ADAM9: variants seen among roughly 807,000 people sequenced by gnomAD.
ADAM9 encodes disintegrin and metalloproteinase domain-containing protein 9.
Under a neutral mutation model 108.1 loss-of-function variants are expected in ADAM9, and 54 were observed. That is an observed-to-expected ratio of 0.50 (90% CI 0.40 to 0.63). ADAM9 has a LOEUF of 0.63. Among genes scored for constraint, ADAM9 ranks in the 20% least tolerant of loss-of-function variants. The pLI, the probability that ADAM9 is intolerant of heterozygous loss-of-function variation, is 0.00. For synonymous variants in ADAM9, 316 were observed against 336.0 expected, an observed-to-expected ratio of 0.94 and a Z score of 0.65; for missense variants, 830 against 997.7, an observed-to-expected ratio of 0.83 and a Z score of 2.26.
chr8:39,069,642 A>G (rs892719139), intron 14 of ADAM9, among the ~76,000 whole-genome samples: 27 of 152,210 alleles, frequency 1.8e-4, no homozygotes, highest in Admixed American at 3.3e-4. Context: ...CAGCAAAACC[A>G]TGATCTCATC....
intron 12 of ADAM9, among the ~76,000 whole-genome samples, chr8:39,045,161 T>C (rs1431591240): frequency 8.2e-6 from 1 of 122,696 alleles, no homozygotes; most frequent in Non-Finnish European, 1.9e-5. Context: ...TGTGTATACA[T>C]ACATATATGT....
At chr8:39,049,364 C>T (rs1837877939) in intron 12 of ADAM9, among the ~76,000 whole-genome samples, 1 of 151,692 alleles carries the variant, frequency 6.6e-6, no homozygotes, top group Non-Finnish European at 1.5e-5. Flanking sequence ...ACTTTAAGTT[C>T]TCCCATTACA....
rs116414943 is a variant in ADAM9 at position 39,007,762 on chromosome 8, A to G, written c.98-124A>G. ...TTATATGAGTACTTTTATTATATGC[A>G]TATTGTAATATGGGAATGTCAGGTG... On this transcript the variant is annotated intron_variant, in intron 1 of 21. Transcript: ENST00000487273. 2.3e-3 allele frequency: 1,598 copies of G among 690,314 alleles called. 21 individuals are homozygous for G. In the African/African-American group the frequency reaches 0.027, roughly 12 times the overall value. The allele number at this position is 690,314 out of a possible 1,614,324, so 42.8% of individuals were successfully genotyped here.
intron 9 of ADAM9, among the ~76,000 whole-genome samples, chr8:39,024,923 A>T (rs377154954): frequency 1.3e-3 from 198 of 152,302 alleles, no homozygotes; most frequent in African/African-American, 4.5e-3. Flanking sequence ...TTTTGAGGTG[A>T]CATGGTCTAG....
intron 7 of ADAM9, 33 bp from the exon 8 acceptor site, chr8:39,021,610 G>A: frequency 6.3e-7 from 1 of 1,577,912 alleles, no homozygotes; most frequent in Non-Finnish European, 8.7e-7. Context: ...AAAGTACTTT[G>A]GTGATAATGA....
chr8:39,013,901 T>C (rs1836438357), intron 3 of ADAM9, 64 bp from the exon 4 acceptor site: 2 of 1,264,422 alleles, frequency 1.6e-6, no homozygotes, highest in Non-Finnish European at 2.3e-6. Context: ...TAATGCCTTA[T>C]GAATCGTGTC....
At chr8:39,002,493 A>AT (rs1375119196) in intron 1 of ADAM9, among the ~76,000 whole-genome samples, 47 of 147,708 alleles carry the variant, frequency 3.2e-4, no homozygotes, top group African/African-American at 6.5e-4. Flanking sequence ...TAATTTTTGT[A>AT]TTTTTTTTTA....
chr8:39,100,488 GT>G (rs1400694806), intron 20 of ADAM9, among the ~76,000 whole-genome samples: 1 of 146,348 alleles, frequency 6.8e-6, no homozygotes, highest in Non-Finnish European at 1.5e-5. Flanking sequence ...GCCAGACTCC[GT>G]CTCAAAAAAA....
intron 20 of ADAM9, among the ~76,000 whole-genome samples, chr8:39,092,159 A>T (rs754172475): frequency 1.1e-4 from 16 of 152,216 alleles, no homozygotes; most frequent in South Asian, 2.1e-4. Flanking sequence ...GTAATTTTTT[A>T]ATGTTTTAAA....
intron 11 of ADAM9, among the ~76,000 whole-genome samples, chr8:39,038,246 CA>C (rs925423879): frequency 8.7e-4 from 133 of 152,282 alleles, no homozygotes; most frequent in African/African-American, 3.0e-3. Context: ...CCAACTTCCC[CA>C]TTCCACTTAG....
chr8:39,020,386 A>T (rs1836697135), intron 7 of ADAM9, among the ~76,000 whole-genome samples: 1 of 152,150 alleles, frequency 6.6e-6, no homozygotes, highest in African/African-American at 2.4e-5. Flanking sequence ...AATATATTAA[A>T]TTAATTTTTT....
At chr8:38,999,768 T>C (rs140864314) in intron 1 of ADAM9, among the ~76,000 whole-genome samples, 1 of 152,216 alleles carries the variant, frequency 6.6e-6, no homozygotes, top group Non-Finnish European at 1.5e-5. Flanking sequence ...AAATTTATAT[T>C]TGCTCTTTGT....
At chr8:39,070,475 A>C (rs1187609286) in intron 14 of ADAM9, among the ~76,000 whole-genome samples, 2 of 152,166 alleles carry the variant, frequency 1.3e-5, no homozygotes, top group Non-Finnish European at 2.9e-5. Context: ...ATATGTTTCC[A>C]ACATCAAGTA....
At chr8:39,072,896 G>A (rs1384068016) in intron 15 of ADAM9, among the ~76,000 whole-genome samples, 2 of 152,276 alleles carry the variant, frequency 1.3e-5, no homozygotes, top group Non-Finnish European at 2.9e-5. Flanking sequence ...GTTATTGAAA[G>A]CCTATTGCTT....
chr8:39,053,776 G>A (rs1434727988), intron 12 of ADAM9, among the ~76,000 whole-genome samples: 2 of 152,016 alleles, frequency 1.3e-5, no homozygotes, highest in Non-Finnish European at 2.9e-5. Flanking sequence ...GTTCAGCTAG[G>A]GTGAAGAGCC....
chr8:39,066,154 A>T (rs1838464962), intron 14 of ADAM9, among the ~76,000 whole-genome samples: 1 of 152,174 alleles, frequency 6.6e-6, no homozygotes, highest in Non-Finnish European at 1.5e-5. Context: ...TCTATCATTG[A>T]TGGACATTTG....
In ADAM9 at chr8:38,997,112, T is replaced by C. The variant is rs780389156; in HGVS notation, c.49T>C (p.Leu17=). 1.2e-6 allele frequency: 2 copies of C among 1,605,278 alleles called. No individual in the cohort carries two copies. Among genetic ancestry groups the C allele is most frequent in the South Asian group, 1.1e-5 (1 of 91,036 alleles). Residue 17 remains leucine (L), a synonymous_variant, in exon 1 of 22, where the codon TTG becomes CTG. Transcript: ENST00000487273. ...CTCGGGGACCCTTCGTGTCCGGTGG[T>C]TGCTGTTGCTTGGCCTGGTGGGCCC... ...FPSGTLRVRW[L]LLLGLVGPVL...
intron 7 of ADAM9, among the ~76,000 whole-genome samples, chr8:39,020,384 AAATT>A (rs1836697012): frequency 1.3e-5 from 2 of 152,156 alleles, no homozygotes; most frequent in South Asian, 4.1e-4. Flanking sequence ...CAAATATATT[AAATT>A]AATTTTTTTT....
chr8:39,007,455 G>A (rs1408403708), intron 1 of ADAM9, among the ~76,000 whole-genome samples: 2 of 152,188 alleles, frequency 1.3e-5, no homozygotes, highest in Admixed American at 6.5e-5. Flanking sequence ...TGTTATTCAT[G>A]CTGGGTGAGG....
Sources: gnomAD v4.1 joint callset for allele counts (sites outside exome capture counted in the v4.1 genomes callset) on GRCh38, gnomAD v4.1.1 for gene constraint, MANE v1.5 for transcripts, NCBI Gene and HGNC (gene_info 2026-07-23, HGNC 2026-07-21) for gene names.